The following TAFA2 variants were observed in gnomAD, a reference collection of about 807,000 sequenced individuals.
TAFA2 encodes chemokine-like protein TAFA-2.
Under a neutral mutation model 18.8 loss-of-function variants are expected in TAFA2, and 7 were observed. The observed-to-expected ratio is 0.37, with a 90% CI of 0.21 to 0.70. The LOEUF is 0.70. Among genes scored for constraint, TAFA2 ranks in the 30% least tolerant of loss-of-function variants. TAFA2 has a pLI of 0.53. For missense variants in TAFA2, 122 were observed against 158.1 expected (o/e 0.77, Z 1.23); for synonymous variants, 60 against 54.2 (o/e 1.11, Z -0.47).
chr12:61,820,865 T>TA (rs1872291306), intron 2 of TAFA2, among the ~76,000 whole-genome samples: 1 of 152,072 alleles, frequency 6.6e-6, no homozygotes, highest in Non-Finnish European at 1.5e-5. Context: ...ACAATTGTTT[T>TA]AACAAAGAAA....
intron 1 of TAFA2, among the ~76,000 whole-genome samples, chr12:62,041,050 C>A (rs554353893): frequency 2.0e-5 from 3 of 152,086 alleles, no homozygotes; most frequent in African/African-American, 7.2e-5. Context: ...CCGTTTTTAT[C>A]ATTTGTTCTC....
intron 2 of TAFA2, among the ~76,000 whole-genome samples, chr12:61,795,293 C>A (rs1276794548): frequency 1.3e-5 from 2 of 152,040 alleles, no homozygotes; most frequent in Non-Finnish European, 2.9e-5. Context: ...ATGTTTATTG[C>A]GGCACTATTC....
intron 1 of TAFA2, among the ~76,000 whole-genome samples, chr12:61,924,945 T>G (rs1357026398): frequency 6.6e-6 from 1 of 152,082 alleles, no homozygotes; most frequent in African/African-American, 2.4e-5. Flanking sequence ...TCCTAGTCTC[T>G]GATGAAACAG....
At chr12:62,057,273 A>C (rs528392098) in intron 1 of TAFA2, among the ~76,000 whole-genome samples, 1 of 152,278 alleles carries the variant, frequency 6.6e-6, no homozygotes, top group South Asian at 2.1e-4. Flanking sequence ...TATTCACAGA[A>C]TGTTTCTGAT....
chr12:62,168,945 T>TACACACACACACACACACAC (rs147184565), intron 1 of TAFA2, among the ~76,000 whole-genome samples: 6 of 148,836 alleles, frequency 4.0e-5, no homozygotes, highest in Admixed American at 1.3e-4. Flanking sequence ...ACTCACTCTC[T>TACACACACACACACACACAC]ACACACACAC....
At chr12:62,073,170 CAA>C (rs58136154) in intron 1 of TAFA2, among the ~76,000 whole-genome samples, 1,860 of 152,260 alleles carry the variant, frequency 0.012, 49 homozygotes, top group African/African-American at 0.043. Flanking sequence ...CAGAGTAAGA[CAA>C]AGAATAGAGA....
chr12:61,813,470 T>G (rs1871956138), intron 2 of TAFA2, among the ~76,000 whole-genome samples: 1 of 151,494 alleles, frequency 6.6e-6, no homozygotes, highest in South Asian at 2.1e-4. Context: ...TCATACAAGA[T>G]CTCTCAATAT....
At chr12:62,030,518 C>G (rs1198565060) in intron 1 of TAFA2, among the ~76,000 whole-genome samples, 2 of 152,046 alleles carry the variant, frequency 1.3e-5, no homozygotes. Flanking sequence ...ACCACAATGA[C>G]AAACAAGGAA....
Position 62,115,271 on chromosome 12 carries a change from G to A in TAFA2, c.-2+75988C>T, listed in dbSNP as rs192322001. Reference sequence around the variant, plus strand: ...AAAATTGTGTATGTCTCCTTCCCCAGGCCCCACTTTCCAAGTGTATGTATC... The same window carrying A: ...AAAATTGTGTATGTCTCCTTCCCCAAGCCCCACTTTCCAAGTGTATGTATC... On this transcript the variant is annotated intron_variant, in intron 1 of 4. Coordinates refer to ENST00000416284, the MANE Select transcript of TAFA2 (RefSeq NM_178539.5). 7.2e-5 allele frequency among the ~76,000 whole-genome samples: 11 copies of A among 152,212 alleles called. No individual in the cohort carries two copies. In the East Asian group the frequency reaches 2.1e-3, roughly 29 times the overall value.
At chr12:61,735,677 C>T (rs1018652445) in intron 4 of TAFA2, among the ~76,000 whole-genome samples, 2 of 151,752 alleles carry the variant, frequency 1.3e-5, no homozygotes, top group African/African-American at 2.4e-5. Context: ...TTTTATTAGT[C>T]CATTTTTTTT....
intron 1 of TAFA2, among the ~76,000 whole-genome samples, chr12:62,046,957 A>C (rs1310783046): frequency 6.6e-6 from 1 of 151,850 alleles, no homozygotes; most frequent in Admixed American, 6.6e-5. Flanking sequence ...ACATAGGTAA[A>C]CTTATGTCAT....
intron 1 of TAFA2, among the ~76,000 whole-genome samples, chr12:62,009,787 T>A (rs997103676): frequency 6.6e-6 from 1 of 152,208 alleles, no homozygotes; most frequent in African/African-American, 2.4e-5. Flanking sequence ...AATGAGCAGT[T>A]CTTAGATATG....
intron 1 of TAFA2, among the ~76,000 whole-genome samples, chr12:61,887,435 CTT>C (rs56953703): frequency 0.025 from 3,688 of 146,774 alleles, 152 homozygotes; most frequent in African/African-American, 0.084. Flanking sequence ...GAGCTAATTG[CTT>C]TTTTTTTTTA....
At chr12:61,959,456 G>C (rs1477659473) in intron 1 of TAFA2, among the ~76,000 whole-genome samples, 2 of 152,016 alleles carry the variant, frequency 1.3e-5, no homozygotes, top group Non-Finnish European at 2.9e-5. Flanking sequence ...GGCATTTCTT[G>C]CTAGAGTAAA....
At position 61,878,285 on chromosome 12, in the gene TAFA2, G is replaced by T. The variant is rs747366220; in HGVS notation, c.-1-10859C>A. On this transcript the variant is annotated intron_variant, in intron 1 of 4. Coordinates refer to ENST00000416284, the MANE Select transcript of TAFA2 (RefSeq NM_178539.5). ...AATGCTGCTGAATTGTACAAAAAAT[G>T]GCTACAATGGTAAACTTTATGTTAT... The T allele has an allele frequency of 2.0e-4, 57 of 286,178 alleles. 1 individual carries two copies. Among genetic ancestry groups the T allele is most frequent in the Non-Finnish European group, 3.6e-4 (51 of 143,008 alleles). The allele number at this position is 286,178 out of a possible 1,614,324, so 17.7% of individuals were successfully genotyped here.
intron 1 of TAFA2, among the ~76,000 whole-genome samples, chr12:62,206,574 G>A (rs1488309196): frequency 6.6e-6 from 1 of 151,970 alleles, no homozygotes; most frequent in Non-Finnish European, 1.5e-5. Flanking sequence ...TGTCACCCAG[G>A]CGGGATGCAG....
chr12:62,040,506 A>G (rs1202889810), intron 1 of TAFA2, among the ~76,000 whole-genome samples: 1 of 152,082 alleles, frequency 6.6e-6, no homozygotes, highest in Non-Finnish European at 1.5e-5. Flanking sequence ...CAAACAGAAG[A>G]CACACAGGAA....
chr12:61,908,812 C>T (rs914222152), intron 1 of TAFA2, among the ~76,000 whole-genome samples: 2 of 152,138 alleles, frequency 1.3e-5, no homozygotes, highest in African/African-American at 4.8e-5. Flanking sequence ...CTAAGAATGA[C>T]AGGAGAACTA....
intron 1 of TAFA2, among the ~76,000 whole-genome samples, chr12:62,224,554 C>G (rs1388083258): frequency 6.6e-6 from 1 of 152,084 alleles, no homozygotes; most frequent in African/African-American, 2.4e-5. Context: ...TTATACCTCC[C>G]AAATGCCTCA....
Sources: gnomAD v4.1 joint callset for allele counts (sites outside exome capture counted in the v4.1 genomes callset) on GRCh38, gnomAD v4.1.1 for gene constraint, MANE v1.5 for transcripts, NCBI Gene and HGNC (gene_info 2026-07-23, HGNC 2026-07-21) for gene names.